The following FCN1 variants were observed in gnomAD, a reference collection of about 807,000 sequenced individuals.
FCN1 encodes ficolin-1.
Under a neutral mutation model 35.6 loss-of-function variants are expected in FCN1, and 42 were observed. That is an observed-to-expected ratio of 1.18 (90% confidence interval 0.92 to 1.53). FCN1 has a LOEUF of 1.53. Ranked by LOEUF, FCN1 falls within the 40% of genes most tolerant of loss-of-function variation. FCN1 has a pLI of 0.00. For missense variants in FCN1, 439 were observed against 428.4 expected (o/e 1.02, Z -0.22); for synonymous variants, 179 against 169.8 (o/e 1.05, Z -0.42).
chr9:134,912,408 A>G (rs1302857058), intron 7 of FCN1, 78 bp downstream of exon 7: 6 of 1,442,296 alleles, frequency 4.2e-6, no homozygotes, highest in Non-Finnish European at 5.7e-6. Flanking sequence ...AGAGGTGCTT[A>G]TGTTGCAGAT....
rs1440938000 is a variant in FCN1, at chr9:134,906,581, C to A, written c.*3217G>T. Reference sequence around the variant, plus strand: ...AATCTAATAATTTAACTTAGAAATGCAATGAGCTCAAAGTCTCTTAAATAT... The same window carrying A: ...AATCTAATAATTTAACTTAGAAATGAAATGAGCTCAAAGTCTCTTAAATAT... On this transcript the variant is annotated 3_prime_UTR_variant, in exon 9 of 9. Coordinates refer to ENST00000371806, the MANE Select transcript of FCN1 (RefSeq NM_002003.5). The A allele has an allele frequency of 1.3e-5, 2 of 152,072 alleles. No homozygotes were observed. Among genetic ancestry groups the A allele is most frequent in the Admixed American group, 6.5e-5 (1 of 15,268 alleles). 9.4% of individuals were successfully genotyped at this position (152,072 alleles called of 1,614,324 possible).
At chr9:134,910,137 C>G in intron 8 of FCN1, 92 bp from the exon 9 acceptor site, 1 of 1,194,488 alleles carries the variant, frequency 8.4e-7, no homozygotes, top group South Asian at 1.3e-5. Flanking sequence ...CAGAGCCAAC[C>G]TCACTTTAGC....
Position 134,910,042 on chromosome 9 carries a change from T to C in FCN1, c.737A>G (p.Asn246Ser), listed in dbSNP as rs1381843718. ...LGAFVGGSAGNSLTGHNNNFF... is the reference protein window; with the variant it reads ...LGAFVGGSAGSSLTGHNNNFF... ...GTTGTTGTTGTGGCCCGTTAGAGAATTACCTGCTCACAGAAAATGTGGGGT... is the reference window on the plus strand; with the variant it reads ...GTTGTTGTTGTGGCCCGTTAGAGAACTACCTGCTCACAGAAAATGTGGGGT... Residue 246 changes from asparagine to serine, a missense_variant, in exon 9 of 9, where the codon AAT becomes AGT. By Grantham distance (46) the Asn-to-Ser change is conservative. Transcript: ENST00000371806. 2 of 1,613,760 alleles carry C rather than the reference T, an allele frequency of 1.2e-6. No individual in the cohort carries two copies. The highest frequency in any genetic ancestry group is 8.5e-7 in the Non-Finnish European group (1 of 1,179,730).
At position 134,908,879 on chromosome 9, in the gene FCN1, C is replaced by T. The variant is rs1193923292; in HGVS notation, c.*919G>A. The stretch of plus-strand genomic sequence containing the variant: ...AGTAGAAAACTAAAGATTTGTGTGC[C>T]GCACGTTGATTCTGCCCCTCTGGCC... On this transcript the variant is annotated 3_prime_UTR_variant, in exon 9 of 9. Coordinates refer to ENST00000371806, the MANE Select transcript of FCN1 (RefSeq NM_002003.5). The T allele has an allele frequency of 9.0e-6, 2 of 221,282 alleles. No individual in the cohort carries two copies. Among genetic ancestry groups the T allele is most frequent in the African/African-American group, 2.3e-5 (1 of 42,814 alleles). 13.7% of individuals were successfully genotyped at this position (221,282 alleles called of 1,614,324 possible).
chr9:134,910,479 G>C (rs1831009854), intron 8 of FCN1, among the ~76,000 whole-genome samples: 1 of 152,168 alleles, frequency 6.6e-6, no homozygotes, highest in South Asian at 2.1e-4. Flanking sequence ...GGCTCCTATA[G>C]CTGAGAAATG....
chr9:134,911,112 C>G, intron 8 of FCN1, 21 bp downstream of exon 8: 1 of 1,613,458 alleles, frequency 6.2e-7, no homozygotes, highest in Non-Finnish European at 8.5e-7. Context: ...CTCAGGCCAC[C>G]AGCCCCAAGC....
In FCN1 at chr9:134,911,222, TG is replaced by T; in HGVS notation, c.643del (p.His215ThrfsTer34). 3.1e-6 allele frequency: 5 copies of T among 1,613,982 alleles called. No homozygotes were observed. Among genetic ancestry groups the T allele is most frequent in the Non-Finnish European group, 4.2e-6 (5 of 1,179,910 alleles). On this transcript the variant is annotated frameshift_variant, in exon 8 of 9. Coordinates refer to ENST00000371806, the MANE Select transcript of FCN1 (RefSeq NM_002003.5). LOFTEE classifies it high-confidence loss of function. ...RVDLVDFEGN[H>X]QFAKYKSFKV... The stretch of plus-strand genomic sequence containing the variant: ...GAATGATTTGTACTTAGCAAACTGG[TG>T]GTTGCCCTCAAAGTCCACCAGGTCT...
chr9:134,916,536 G>A lies in FCN1; in HGVS notation c.104-75C>T, dbSNP rs1831094899. 7 of 1,428,850 alleles carry A rather than the reference G, an allele frequency of 4.9e-6. No individual in the cohort carries two copies. In the Admixed American group the frequency reaches 6.7e-5, roughly 14 times the overall value. 88.5% of individuals were successfully genotyped at this position (1,428,850 alleles called of 1,614,324 possible). ...GGAAGTGAGGTTTTCTGCTCTGCTGGGGCCTTGGTCTGTCCTCACCCCTCA... is the reference window on the plus strand; with the variant it reads ...GGAAGTGAGGTTTTCTGCTCTGCTGAGGCCTTGGTCTGTCCTCACCCCTCA... On this transcript the variant is annotated intron_variant, in intron 1 of 8. Coordinates refer to ENST00000371806, the MANE Select transcript of FCN1 (RefSeq NM_002003.5).
chr9:134,914,324 T>G, intron 4 of FCN1, 61 bp downstream of exon 4: 5 of 1,519,794 alleles, frequency 3.3e-6, no homozygotes, highest in Non-Finnish European at 4.6e-6. Flanking sequence ...CTGAGGCCTC[T>G]GAGACCCCTC....
At position 134,909,778 on chromosome 9, in the gene FCN1, G is replaced by A. The variant is rs1830997762; in HGVS notation, c.*20C>T. The A allele has an allele frequency of 6.2e-7, 1 of 1,611,880 alleles. No homozygotes were observed. The highest frequency in any genetic ancestry group is 1.1e-5 in the South Asian group (1 of 90,968). On this transcript the variant is annotated 3_prime_UTR_variant, in exon 9 of 9. Transcript: ENST00000371806. ...GTGGCCTCCCCACTAGCAGGTGCAT[G>A]TGGAGGGGTCCTGGCCCGTCTAGGC...
chr9:134,916,430 G>A lies in FCN1; in HGVS notation c.135C>T (p.Asp45=), dbSNP rs372337686. Residue 45 remains aspartate (D), a synonymous_variant, in exon 2 of 9, where the codon GAC becomes GAT. Transcript: ENST00000371806. ...GGCAGCCTCGGAGAATGGTGAGCTT[G>A]TCAGAGCCCTCCAGGCCCACCACCT... The part of the protein sequence containing the change: ...EVKVVGLEGS[D]KLTILRGCPG... 1.2e-6 allele frequency: 2 copies of A among 1,614,224 alleles called. No individual in the cohort carries two copies. Among genetic ancestry groups the A allele is most frequent in the East Asian group, 2.2e-5 (1 of 44,874 alleles).
chr9:134,914,531 G>T, intron 3 of FCN1, 111 bp from the exon 4 acceptor site: 2 of 1,139,178 alleles, frequency 1.8e-6, no homozygotes, highest in Non-Finnish European at 2.6e-6. Context: ...AGCCCTGCAG[G>T]CTCACTAAGG....
intron 2 of FCN1, among the ~76,000 whole-genome samples, chr9:134,915,099 A>G (rs1831075805): frequency 6.6e-6 from 1 of 152,148 alleles, no homozygotes; most frequent in Admixed American, 6.5e-5. Context: ...GTTGACCATA[A>G]GCCTGGACCC....
At chr9:134,914,524 C>G in intron 3 of FCN1, 104 bp from the exon 4 acceptor site, 2 of 1,207,198 alleles carry the variant, frequency 1.7e-6, no homozygotes, top group Non-Finnish European at 2.4e-6. Context: ...TCTCCCCAGC[C>G]CTGCAGGCTC....
Position 134,905,504 on chromosome 9 carries a change from GAC to G in FCN1, c.*4292_*4293del, listed in dbSNP as rs1324224885. Among the ~76,000 whole-genome samples the G allele has an allele frequency of 6.6e-6, 1 of 152,048 alleles. No individual in the cohort carries two copies. Among genetic ancestry groups the G allele is most frequent in the East Asian group, 1.9e-4 (1 of 5,170 alleles). On this transcript the variant is annotated 3_prime_UTR_variant, in exon 9 of 9. Coordinates refer to ENST00000371806, the MANE Select transcript of FCN1 (RefSeq NM_002003.5). ...GCTTGCTTTGCTTCTTTTATTTTGA[GAC>G]AGAGTCTCGCTCTGTCGCCCAGGCT...
Position 134,917,884 on chromosome 9 carries a change from TTGACTC to T in FCN1, c.-19_-14del. 6.3e-7 allele frequency: 1 copy of T among 1,595,244 alleles called. No homozygotes were observed. Among genetic ancestry groups the T allele is most frequent in the Non-Finnish European group, 8.6e-7 (1 of 1,163,088 alleles). ...CACTCAGCTCCATGCTCTCTGGCCT[TTGACTC>T]TGAAGAGTCCCCCAGCTCTAACAGG... On this transcript the variant is annotated 5_prime_UTR_variant, in exon 1 of 9. Transcript: ENST00000371806.
Position 134,903,336 on chromosome 9 carries a change from T to C in FCN1, c.*6462A>G, listed in dbSNP as rs140582114. Among the ~76,000 whole-genome samples, 3 of 152,284 alleles carry C rather than the reference T, an allele frequency of 2.0e-5. No individual in the cohort carries two copies. Among genetic ancestry groups the C allele is most frequent in the East Asian group, 3.9e-4 (2 of 5,186 alleles). ...TTCTTTTCAAGTTCAAATTGAACTT[T>C]CACCAACATAGACCATATTCTGGGC... On this transcript the variant is annotated 3_prime_UTR_variant, in exon 9 of 9. Transcript: ENST00000371806.
In FCN1 at chr9:134,905,296, C is replaced by T. The variant is rs557623595; in HGVS notation, c.*4502G>A. ...GCCCAAATGTTGCTGGATGGGCCCA[C>T]GCCTACACTCCTACTTGAGAGGTCC... On this transcript the variant is annotated 3_prime_UTR_variant, in exon 9 of 9. Coordinates refer to ENST00000371806, the MANE Select transcript of FCN1 (RefSeq NM_002003.5). Among the ~76,000 whole-genome samples, 7 of 152,146 alleles carry T rather than the reference C, an allele frequency of 4.6e-5. No homozygotes were observed. Among genetic ancestry groups the T allele is most frequent in the Non-Finnish European group, 8.8e-5 (6 of 68,030 alleles).
chr9:134,912,350 G>T, intron 7 of FCN1, 136 bp downstream of exon 7: 1 of 869,332 alleles, frequency 1.2e-6, no homozygotes, highest in Non-Finnish European at 1.7e-6. Flanking sequence ...GCCCTTAGAG[G>T]TCCCAGTGCC....
Sources: allele counts gnomAD v4.1 joint callset (sites outside exome capture counted in the v4.1 genomes callset), GRCh38; gene constraint gnomAD v4.1.1; transcripts MANE v1.5; gene names NCBI Gene and HGNC (gene_info 2026-07-23, HGNC 2026-07-21).